TNRC18: variants seen among roughly 807,000 people sequenced by gnomAD.
The protein encoded by TNRC18 is trinucleotide repeat-containing gene 18 protein.
In TNRC18, 69 loss-of-function variants were observed where a neutral mutation model predicts 226.7. That is an observed-to-expected ratio of 0.30 (90% CI 0.25 to 0.37). The LOEUF (loss-of-function observed/expected upper bound fraction) is 0.37. Ranked by LOEUF, TNRC18 falls within the 10% of genes least tolerant of loss-of-function variation. The probability of loss-of-function intolerance (pLI) is 1.00; values close to 1 mark genes in which losing one functional copy is unlikely to be tolerated. For missense variants in TNRC18, 4,754 were observed against 4,256.6 expected (o/e 1.12, Z -3.25); for synonymous variants, 2,449 against 1,927.6 (o/e 1.27, Z -7.09).
rs1393128382 is a variant in TNRC18 at position 5,377,826 on chromosome 7, C to G, written c.2255+96G>C. ...CTCTCAGTACCATAGCATCCATGGT[C>G]GAGGGGCCAAGCCCACCTGGGGTCA... On this transcript the variant is annotated intron_variant, in intron 6 of 29. Coordinates refer to ENST00000430969, the MANE Select transcript of TNRC18 (RefSeq NM_001080495.3). The surrounding 1 kb of genome is among the most constrained non-coding windows in gnomAD (Gnocchi z 5.8). 7.9e-7 allele frequency: 1 copy of G among 1,261,268 alleles called. No individual in the cohort carries two copies. The highest frequency in any genetic ancestry group is 1.1e-6 in the Non-Finnish European group (1 of 886,032). 78.1% of individuals were successfully genotyped at this position (1,261,268 alleles called of 1,614,324 possible).
intron 9 of TNRC18, among the ~76,000 whole-genome samples, 159 bp from the exon 10 acceptor site, chr7:5,374,643 A>G (rs1034730274): frequency 1.3e-5 from 2 of 152,176 alleles, no homozygotes; most frequent in African/African-American, 4.8e-5. Flanking sequence ...AGAGACAGAC[A>G]TTCCATCCCA....
chr7:5,357,243 G>C lies in TNRC18; in HGVS notation c.4867C>G (p.Gln1623Glu), dbSNP rs1448600859. Reference sequence around the variant, plus strand: ...TCGAGCTTGCTTGCCAACTGCTCCTGGTCGCTGGCCATCTTCTTCTTCTTA... The same window carrying C: ...TCGAGCTTGCTTGCCAACTGCTCCTCGTCGCTGGCCATCTTCTTCTTCTTA... ...KIKKKKMASD[Q>E]EQLASKLDKA... Residue 1623 changes from glutamine to glutamate, a missense_variant, in exon 16 of 30, where the codon CAG (glutamine) becomes GAG (glutamate). Physicochemically the swap from Gln to Glu is conservative, Grantham distance 29. Coordinates refer to ENST00000430969, the MANE Select transcript of TNRC18 (RefSeq NM_001080495.3). 1.9e-6 allele frequency: 3 copies of C among 1,612,390 alleles called. No individual in the cohort carries two copies. The highest frequency in any genetic ancestry group is 2.5e-6 in the Non-Finnish European group (3 of 1,179,328).
At position 5,313,779 on chromosome 7, in the gene TNRC18, C is replaced by T. The variant is rs750106937; in HGVS notation, c.7112G>A (p.Gly2371Asp). The change falls in exon 27 of 30, where the codon GGT (glycine) becomes GAT (aspartate). Residue 2371 changes from glycine to aspartate, a missense_variant. Physicochemically the swap from Gly to Asp is moderately conservative, Grantham distance 94. Coordinates refer to ENST00000430969, the MANE Select transcript of TNRC18 (RefSeq NM_001080495.3). ...AGGCTCTGGGGGGCTCTTCTTGGAA[C>T]CTGGGGTGCTGCTCGGCTCCAGGGC... ...PLALEPSSTP[G>D]SKKSPPEPVD... The T allele has an allele frequency of 1.3e-6, 2 of 1,542,234 alleles. No individual in the cohort carries two copies. The highest frequency in any genetic ancestry group is 1.7e-6 in the Non-Finnish European group (2 of 1,145,464).
chr7:5,361,951 T>C lies in TNRC18; in HGVS notation c.4478A>G (p.Gln1493Arg). The C allele has an allele frequency of 1.2e-6, 2 of 1,610,970 alleles. No individual in the cohort carries two copies. Among genetic ancestry groups the C allele is most frequent in the Non-Finnish European group, 1.7e-6 (2 of 1,179,036 alleles). Residue 1493 changes from glutamine to arginine, a missense_variant, in exon 13 of 30, where the codon CAG becomes CGG. Physicochemically the swap from Gln to Arg is conservative, Grantham distance 43 (BLOSUM62 1). Coordinates refer to ENST00000430969, the MANE Select transcript of TNRC18 (RefSeq NM_001080495.3). ...CAGCTCACGCTGCTTCTCCTTGTAC[T>C]GGCGCTGCACCTCGGCCAGCCGCAT... The part of the protein sequence containing the change: ...FRMRLAEVQR[Q>R]YKEKQRELVK...
intron 16 of TNRC18, among the ~76,000 whole-genome samples, chr7:5,355,342 T>C (rs370646961): frequency 9.8e-5 from 15 of 152,310 alleles, no homozygotes; most frequent in Middle Eastern, 3.4e-3. Flanking sequence ...AAGAGCTCAA[T>C]AGCAGCTAGG....
In TNRC18 at chr7:5,312,878, G is replaced by GGAGGAAGAA; in HGVS notation, c.8004_8012dup (p.Ser2669_Ser2671dup). The stretch of plus-strand genomic sequence containing the variant: ...TGCAGGAAGAGTCCTCGTCTGTGGT[G>GGAGGAAGAA]GAGGAAGAAGAGGAGGAAGAGGAGG... On this transcript the variant is annotated inframe_insertion, in exon 27 of 30. Coordinates refer to ENST00000430969, the MANE Select transcript of TNRC18 (RefSeq NM_001080495.3). This position sits in a 1 kb window ranked among gnomAD's most constrained non-coding sequence, Gnocchi z 6.3. 2.6e-6 allele frequency: 4 copies of GGAGGAAGAA among 1,525,792 alleles called. No individual in the cohort carries two copies. Among genetic ancestry groups the GGAGGAAGAA allele is most frequent in the Non-Finnish European group, 3.5e-6 (4 of 1,136,214 alleles). The allele number at this position is 1,525,792 out of a possible 1,614,324, so 94.5% of individuals were successfully genotyped here.
intron 24 of TNRC18, among the ~76,000 whole-genome samples, chr7:5,317,550 C>T (rs1205894856): frequency 6.6e-6 from 1 of 151,868 alleles, no homozygotes; most frequent in Non-Finnish European, 1.5e-5. Flanking sequence ...GAAATCACTG[C>T]ACCGCACTCT....
At chr7:5,311,336 C>A (rs551972810) in intron 27 of TNRC18, among the ~76,000 whole-genome samples, 2 of 152,244 alleles carry the variant, frequency 1.3e-5, no homozygotes, top group African/African-American at 4.8e-5. Context: ...CACGGGACCC[C>A]GACCTGGCCA....
At chr7:5,395,761 G>A (rs1429898320) in intron 2 of TNRC18, among the ~76,000 whole-genome samples, 2 of 152,218 alleles carry the variant, frequency 1.3e-5, no homozygotes, top group African/African-American at 4.8e-5. Flanking sequence ...GGAGGCCAAG[G>A]CAGGCGAATC....
intron 12 of TNRC18, among the ~76,000 whole-genome samples, 189 bp downstream of exon 12, chr7:5,362,461 A>C (rs1186612785): frequency 6.6e-6 from 1 of 152,100 alleles, no homozygotes; most frequent in African/African-American, 2.4e-5. Context: ...CAGACAGGTA[A>C]ACTGAGTCCC....
intron 11 of TNRC18, among the ~76,000 whole-genome samples, chr7:5,365,236 T>C (rs918072856): frequency 1.3e-5 from 2 of 152,192 alleles, no homozygotes; most frequent in African/African-American, 4.8e-5. Context: ...CTCAGCCTCC[T>C]GAGTAGCTGG....
chr7:5,377,332 C>CCCCCCCA lies in TNRC18; in HGVS notation c.2461+38_2461+39insTGGGGGG. On this transcript the variant is annotated intron_variant, in intron 7 of 29. Transcript: ENST00000430969. The surrounding 1 kb of genome is among the most constrained non-coding windows in gnomAD (Gnocchi z 5.8). The stretch of plus-strand genomic sequence containing the variant: ...CCTGCACCCGCCCCCTCCCACCCCT[C>CCCCCCCA]CCTCAGAGAAGGGGAGAGACCCTGT... 1.0e-6 allele frequency: 1 copy of CCCCCCCA among 985,870 alleles called. No individual in the cohort carries two copies. The highest frequency in any genetic ancestry group is 1.5e-6 in the Non-Finnish European group (1 of 673,528). 61.1% of individuals were successfully genotyped at this position (985,870 alleles called of 1,614,324 possible). A position where few individuals can be genotyped will look rare whatever the true frequency, so the allele number is the denominator to read the frequency against.
At chr7:5,360,682 G>A (rs889090047) in intron 14 of TNRC18, among the ~76,000 whole-genome samples, 4 of 152,172 alleles carry the variant, frequency 2.6e-5, no homozygotes, top group African/African-American at 9.7e-5. Flanking sequence ...GCTGGTGGCC[G>A]CAGCCTCCTG....
At chr7:5,371,647 C>G (rs1437715929) in intron 10 of TNRC18, among the ~76,000 whole-genome samples, 1 of 152,214 alleles carries the variant, frequency 6.6e-6, no homozygotes, top group East Asian at 1.9e-4. Context: ...GCACCCAGCA[C>G]AAGGCTAGAC....
intron 2 of TNRC18, among the ~76,000 whole-genome samples, chr7:5,401,266 A>C (rs1402467714): frequency 6.6e-6 from 1 of 151,702 alleles, no homozygotes; most frequent in Non-Finnish European, 1.5e-5. Context: ...CATGATAGGG[A>C]TATAAGTTCC....
chr7:5,360,383 C>T (rs1792911405), intron 14 of TNRC18, among the ~76,000 whole-genome samples: 1 of 152,090 alleles, frequency 6.6e-6, no homozygotes, highest in Non-Finnish European at 1.5e-5. Context: ...GCACACACCA[C>T]CACACCTGGC....
In TNRC18 at chr7:5,393,396, G is replaced by A. The variant is rs192062228; in HGVS notation, c.343+1044C>T. 1.9e-3 allele frequency among the ~76,000 whole-genome samples: 294 copies of A among 152,374 alleles called. 3 individuals are homozygous for A. The highest frequency in any genetic ancestry group is 3.2e-3 in the Non-Finnish European group (220 of 68,042). On this transcript the variant is annotated intron_variant, in intron 3 of 29. Transcript: ENST00000430969. Reference sequence around the variant, plus strand: ...AATGGGCAAAGTACTGTAAGGACTGGATGGGGTCCTGTGACTAGAGACGCC... The same window carrying A: ...AATGGGCAAAGTACTGTAAGGACTGAATGGGGTCCTGTGACTAGAGACGCC...
intron 18 of TNRC18, among the ~76,000 whole-genome samples, chr7:5,338,506 G>C (rs1031805988): frequency 5.3e-5 from 8 of 151,860 alleles, no homozygotes; most frequent in African/African-American, 1.9e-4. Flanking sequence ...AGCACTTTGG[G>C]AGGCCAAAGT....
At chr7:5,387,451 G>A (rs368357465) in intron 5 of TNRC18, among the ~76,000 whole-genome samples, 1 of 152,202 alleles carries the variant, frequency 6.6e-6, no homozygotes, top group African/African-American at 2.4e-5. Flanking sequence ...GCAACGTTCC[G>A]AACACAAAAC....
Sources: allele counts gnomAD v4.1 joint callset (sites outside exome capture counted in the v4.1 genomes callset), GRCh38; gene constraint gnomAD v4.1.1; non-coding constraint Gnocchi (gnomAD v3.1); transcripts MANE v1.5; gene names NCBI Gene and HGNC (gene_info 2026-07-23, HGNC 2026-07-21).